RFTN1: variants seen among roughly 807,000 people sequenced by gnomAD.
The protein encoded by RFTN1 is raftlin, lipid raft linker 1.
RFTN1 carries 26 observed loss-of-function variants against 46.5 expected under a neutral mutation model. The ratio of observed to expected loss-of-function variants is 0.56; its 90% CI spans 0.41 to 0.78. RFTN1 has a LOEUF of 0.78. RFTN1 is among the 30% of genes least tolerant of loss of function. The pLI, the probability that RFTN1 is intolerant of heterozygous loss-of-function variation, is 0.00. For missense variants in RFTN1, 693 were observed against 718.7 expected (o/e 0.96, Z 0.41); for synonymous variants, 261 against 284.2 (o/e 0.92, Z 0.82).
intron 2 of RFTN1, among the ~76,000 whole-genome samples, chr3:16,464,083 G>A (rs1184808325): frequency 1.3e-5 from 2 of 152,050 alleles, no homozygotes; most frequent in Admixed American, 6.6e-5. Flanking sequence ...GAGGGATTCT[G>A]CTTATCTTTC....
intron 1 of RFTN1, among the ~76,000 whole-genome samples, chr3:16,503,787 C>T (rs530859973): frequency 4.6e-5 from 7 of 152,336 alleles, no homozygotes; most frequent in African/African-American, 1.4e-4. Context: ...TTCTGTCCTC[C>T]TCCATCCTCT....
intron 1 of RFTN1, among the ~76,000 whole-genome samples, chr3:16,508,692 G>GCACA (rs1293312366): frequency 2.7e-4 from 24 of 87,774 alleles, no homozygotes; most frequent in African/African-American, 9.3e-4. Flanking sequence ...AAGATCACAC[G>GCACA]CACGCACACA....
intron 3 of RFTN1, among the ~76,000 whole-genome samples, chr3:16,423,155 G>A (rs1422384656): frequency 1.3e-5 from 2 of 149,524 alleles, no homozygotes; most frequent in Non-Finnish European, 2.9e-5. Flanking sequence ...GTGACAGAGC[G>A]AGACTCTGTC....
chr3:16,380,055 T>G lies in RFTN1; in HGVS notation c.442-1953A>C, dbSNP rs2125382197. Reference sequence around the variant, plus strand: ...AAACAGCTATGACTTCTGAAGCATTTTAATAACTGCTTCCATGGAGGGCTC... The same window carrying G: ...AAACAGCTATGACTTCTGAAGCATTGTAATAACTGCTTCCATGGAGGGCTC... On this transcript the variant is annotated intron_variant, in intron 4 of 9. Transcript: ENST00000334133. The surrounding 1 kb of genome is among the most constrained non-coding windows in gnomAD (Gnocchi z 4.8). Among the ~76,000 whole-genome samples, 1 of 152,320 alleles carries G rather than the reference T, an allele frequency of 6.6e-6. No homozygotes were observed. The highest frequency in any genetic ancestry group is 3.4e-3 in the Middle Eastern group (1 of 294).
At chr3:16,417,009 CTTT>C (rs72060599) in intron 3 of RFTN1, among the ~76,000 whole-genome samples, 33 of 121,266 alleles carry the variant, frequency 2.7e-4, no homozygotes, top group Non-Finnish European at 3.4e-4. Context: ...TTTTCTTTTT[CTTT>C]TTTTTTTTTT....
Position 16,342,128 on chromosome 3 carries a change from C to T in RFTN1, c.1147-15252G>A, listed in dbSNP as rs1356484196. 6.6e-6 allele frequency among the ~76,000 whole-genome samples: 1 copy of T among 152,150 alleles called. No individual in the cohort carries two copies. Among genetic ancestry groups the T allele is most frequent in the Non-Finnish European group, 1.5e-5 (1 of 68,030 alleles). Reference sequence around the variant, plus strand: ...TATATTCAGAGTTATACAACCATCACCACAATCTAAGTTTAGACCACTTTC... The same window carrying T: ...TATATTCAGAGTTATACAACCATCATCACAATCTAAGTTTAGACCACTTTC... On this transcript the variant is annotated intron_variant, in intron 7 of 9. Transcript: ENST00000334133. This position sits in a 1 kb window ranked among gnomAD's most constrained non-coding sequence, Gnocchi z 4.0.
At chr3:16,471,383 A>T (rs1191629462) in intron 2 of RFTN1, among the ~76,000 whole-genome samples, 1 of 152,214 alleles carries the variant, frequency 6.6e-6, no homozygotes, top group African/African-American at 2.4e-5. Context: ...CTTTCTTCCA[A>T]GGTGAGTTAC....
intron 3 of RFTN1, among the ~76,000 whole-genome samples, chr3:16,411,328 A>G (rs1440960592): frequency 6.6e-6 from 1 of 152,182 alleles, no homozygotes; most frequent in East Asian, 1.9e-4. Flanking sequence ...ACCATTAACC[A>G]TCTGTGTATG....
rs1474136593 is a variant in RFTN1, at chr3:16,317,470, G to A, written c.1333-238C>T. 6.6e-6 allele frequency among the ~76,000 whole-genome samples: 1 copy of A among 152,126 alleles called. No homozygotes were observed. The highest frequency in any genetic ancestry group is 1.9e-4 in the East Asian group (1 of 5,174). On this transcript the variant is annotated intron_variant, in intron 9 of 9. Coordinates refer to ENST00000334133, the MANE Select transcript of RFTN1 (RefSeq NM_015150.2). The surrounding 1 kb of genome is among the most constrained non-coding windows in gnomAD (Gnocchi z 4.3). ...ATTTTAGATGTAGATTTCAGGTTCTGTTGGGGCAGAGCAGTATTTCTTTTG... is the reference window on the plus strand; with the variant it reads ...ATTTTAGATGTAGATTTCAGGTTCTATTGGGGCAGAGCAGTATTTCTTTTG...
chr3:16,405,177 C>T (rs2074822672), intron 4 of RFTN1, among the ~76,000 whole-genome samples: 1 of 152,122 alleles, frequency 6.6e-6, no homozygotes, highest in African/African-American at 2.4e-5. Context: ...CCCCCACGGA[C>T]CTGCCAGCCA....
intron 2 of RFTN1, among the ~76,000 whole-genome samples, chr3:16,435,122 G>C (rs1183096975): frequency 1.3e-5 from 2 of 152,156 alleles, no homozygotes; most frequent in African/African-American, 4.8e-5. Flanking sequence ...TTTCCTTAGA[G>C]GAAATCAGTA....
rs1173796533 is a variant in RFTN1, at chr3:16,399,407, G to A, written c.441+9968C>T. Among the ~76,000 whole-genome samples the A allele has an allele frequency of 2.0e-5, 3 of 152,166 alleles. No individual in the cohort carries two copies. In the East Asian group the frequency reaches 5.8e-4, roughly 29 times the overall value. On this transcript the variant is annotated intron_variant, in intron 4 of 9. Transcript: ENST00000334133. Reference sequence around the variant, plus strand: ...TCATGCCTCACAAAAATATGCTTCTGTGGAGGTTGCCAGTGACTTCATGGC... The same window carrying A: ...TCATGCCTCACAAAAATATGCTTCTATGGAGGTTGCCAGTGACTTCATGGC...
At chr3:16,369,556 C>G (rs969742334) in intron 6 of RFTN1, among the ~76,000 whole-genome samples, 1 of 152,228 alleles carries the variant, frequency 6.6e-6, no homozygotes, top group East Asian at 1.9e-4. Context: ...CAGCAAACCA[C>G]TAGAGACAGC....
chr3:16,461,427 C>A (rs553410176), intron 2 of RFTN1, among the ~76,000 whole-genome samples: 6 of 152,212 alleles, frequency 3.9e-5, no homozygotes, highest in African/African-American at 1.4e-4. Flanking sequence ...TATACACATA[C>A]ACGTACATAA....
At chr3:16,324,620 C>CCCCG (rs971398885) in intron 8 of RFTN1, among the ~76,000 whole-genome samples, 3 of 143,002 alleles carry the variant, frequency 2.1e-5, no homozygotes, top group Middle Eastern at 3.8e-3. Flanking sequence ...CTGACCCCCC[C>CCCCG]CCTTTTAAGG....
chr3:16,343,894 T>C (rs1339908187), intron 7 of RFTN1, among the ~76,000 whole-genome samples: 1 of 152,200 alleles, frequency 6.6e-6, no homozygotes, highest in Non-Finnish European at 1.5e-5. Flanking sequence ...GCTGATAGTC[T>C]TATAGATGGC....
chr3:16,491,786 A>C (rs1048661866), intron 2 of RFTN1, among the ~76,000 whole-genome samples: 4 of 152,178 alleles, frequency 2.6e-5, no homozygotes, highest in Non-Finnish European at 4.4e-5. Flanking sequence ...AACAAAAAAA[A>C]AAAACAACTG....
At chr3:16,343,530 A>G (rs1307775675) in intron 7 of RFTN1, among the ~76,000 whole-genome samples, 2 of 152,170 alleles carry the variant, frequency 1.3e-5, no homozygotes, top group Non-Finnish European at 2.9e-5. Context: ...CCTGTACCCT[A>G]GAGTCTGCTG....
intron 4 of RFTN1, among the ~76,000 whole-genome samples, chr3:16,404,637 T>C (rs1443977896): frequency 2.0e-5 from 3 of 151,622 alleles, no homozygotes; most frequent in Non-Finnish European, 4.4e-5. Flanking sequence ...TCCTCAGCCT[T>C]ATGCCTTCAA....
Sources: gnomAD v4.1 joint callset for allele counts (sites outside exome capture counted in the v4.1 genomes callset) on GRCh38, gnomAD v4.1.1 for gene constraint, Gnocchi (gnomAD v3.1) non-coding constraint, MANE v1.5 for transcripts, NCBI Gene and HGNC (gene_info 2026-07-23, HGNC 2026-07-21) for gene names.